AGBL1: variants seen among roughly 807,000 people sequenced by gnomAD.
The protein encoded by AGBL1 is cytosolic carboxypeptidase 4.
AGBL1 carries 130 observed loss-of-function variants against 118.9 expected under a neutral mutation model. The ratio of observed to expected loss-of-function variants is 1.09; its 90% CI spans 0.95 to 1.26. The LOEUF is 1.26. AGBL1 is among the 50% of genes most tolerant of loss of function. The probability of loss-of-function intolerance (pLI) is 0.00; values close to 1 mark genes in which losing one functional copy is unlikely to be tolerated. For missense variants in AGBL1, 1,584 were observed against 1,298.1 expected, an observed-to-expected ratio of 1.22 and a Z score of -3.38; for synonymous variants, 555 against 478.9, an observed-to-expected ratio of 1.16 and a Z score of -2.08.
At chr15:86,529,638 C>T (rs2083320886) in intron 19 of AGBL1, among the ~76,000 whole-genome samples, 1 of 134,496 alleles carries the variant, frequency 7.4e-6, no homozygotes, top group South Asian at 2.3e-4. Context: ...AGAAGAGCAA[C>T]TCCAAGACAC....
intron 21 of AGBL1, among the ~76,000 whole-genome samples, chr15:86,586,929 G>A (rs1391563339): frequency 1.3e-5 from 2 of 152,038 alleles, no homozygotes; most frequent in African/African-American, 4.8e-5. Flanking sequence ...AATATACTGG[G>A]TCAAAAAAGA....
At chr15:86,522,217 G>A (rs2083198323) in intron 18 of AGBL1, among the ~76,000 whole-genome samples, 1 of 152,144 alleles carries the variant, frequency 6.6e-6, no homozygotes, top group Admixed American at 6.6e-5. Context: ...AGTTGAAAAA[G>A]GCACTCTGAT....
At chr15:86,212,473 G>C (rs866861599) in intron 5 of AGBL1, among the ~76,000 whole-genome samples, 2 of 152,148 alleles carry the variant, frequency 1.3e-5, no homozygotes, top group Non-Finnish European at 2.9e-5. Flanking sequence ...AGGGGAAAAG[G>C]CTTTCTAAAG....
At chr15:86,344,820 C>T (rs1027504750) in intron 17 of AGBL1, among the ~76,000 whole-genome samples, 2 of 151,766 alleles carry the variant, frequency 1.3e-5, no homozygotes, top group East Asian at 3.9e-4. Flanking sequence ...TTTCTGGAGC[C>T]CCAGAACCCA....
In AGBL1 at chr15:86,613,049, T is replaced by C. The variant is rs2084678583; in HGVS notation, c.2994+58512T>C. Among the ~76,000 whole-genome samples the C allele has an allele frequency of 6.6e-6, 1 of 152,220 alleles. No individual in the cohort carries two copies. Among genetic ancestry groups the C allele is most frequent in the South Asian group, 2.1e-4 (1 of 4,832 alleles). On this transcript the variant is annotated intron_variant, in intron 21 of 22. Transcript: ENST00000614907. This position sits in a 1 kb window ranked among gnomAD's most constrained non-coding sequence, Gnocchi z 4.2. ...TCTTTGTCTGTAACTTTTGTCTCCCTAAAATGTATAAAGCCAAGATGTAAC... is the reference window on the plus strand; with the variant it reads ...TCTTTGTCTGTAACTTTTGTCTCCCCAAAATGTATAAAGCCAAGATGTAAC...
intron 6 of AGBL1, 81 bp downstream of exon 6, chr15:86,225,032 TC>T (rs370237975): frequency 3.2e-5 from 42 of 1,326,850 alleles, no homozygotes; most frequent in South Asian, 1.4e-4. Context: ...CATGGCTGTT[TC>T]TTTTTTTTTT....
chr15:86,973,214 G>T (rs998212110), intron 23 of AGBL1, among the ~76,000 whole-genome samples: 1 of 151,930 alleles, frequency 6.6e-6, no homozygotes, highest in African/African-American at 2.4e-5. Flanking sequence ...ATTATTCCTT[G>T]TTTAAAACTC....
At chr15:86,878,993 G>A (rs1369962225) in intron 22 of AGBL1, among the ~76,000 whole-genome samples, 2 of 152,212 alleles carry the variant, frequency 1.3e-5, no homozygotes. Flanking sequence ...TGTGACAGGA[G>A]AACAAAGGAG....
intron 23 of AGBL1, among the ~76,000 whole-genome samples, chr15:86,964,031 C>CTCTGTGTGTG (rs1183866210): frequency 8.2e-5 from 12 of 146,206 alleles, no homozygotes; most frequent in East Asian, 4.1e-4. Flanking sequence ...CTCTCTCTCT[C>CTCTGTGTGTG]TGTGTGTGTG....
At chr15:86,882,153 C>T (rs1258397578) in intron 22 of AGBL1, among the ~76,000 whole-genome samples, 3 of 152,148 alleles carry the variant, frequency 2.0e-5, no homozygotes, top group Non-Finnish European at 4.4e-5. Flanking sequence ...GACACGGCTA[C>T]CTAGTTCTCG....
At chr15:86,797,889 A>T (rs916335502) in intron 22 of AGBL1, among the ~76,000 whole-genome samples, 2 of 152,128 alleles carry the variant, frequency 1.3e-5, no homozygotes, top group Admixed American at 6.5e-5. Flanking sequence ...CTTGGATATG[A>T]CCTTTTTGTC....
chr15:86,349,787 T>C (rs1003623868), intron 17 of AGBL1, among the ~76,000 whole-genome samples: 1 of 152,218 alleles, frequency 6.6e-6, no homozygotes, highest in Admixed American at 6.5e-5. Flanking sequence ...AAAGAAGTTC[T>C]GAAGTGAAAA....
chr15:86,296,223 A>AC (rs1196244547), intron 17 of AGBL1: 3 of 149,876 alleles, frequency 2.0e-5, no homozygotes, highest in African/African-American at 7.6e-5. Context: ...GGCAAAAAAA[A>AC]AAAAAACAAA....
At chr15:86,791,588 A>T (rs1359835546) in intron 22 of AGBL1, among the ~76,000 whole-genome samples, 1 of 152,014 alleles carries the variant, frequency 6.6e-6, no homozygotes. Context: ...CTTTTCTACA[A>T]GCTAATGTCA....
intron 6 of AGBL1, among the ~76,000 whole-genome samples, chr15:86,238,653 T>C (rs949410101): frequency 1.3e-5 from 2 of 152,170 alleles, no homozygotes; most frequent in African/African-American, 4.8e-5. Context: ...AACATCACCC[T>C]TGGTAAGAAG....
chr15:87,031,137 T>A (rs913826595), downstream of AGBL1, among the ~76,000 whole-genome samples: 15 of 152,026 alleles, frequency 9.9e-5, no homozygotes, highest in Admixed American at 9.9e-4. Flanking sequence ...CAACCTTCCC[T>A]TATCTTTTCA....
chr15:86,502,071 G>A (rs1055778608), intron 18 of AGBL1, among the ~76,000 whole-genome samples: 15 of 151,548 alleles, frequency 9.9e-5, no homozygotes, highest in African/African-American at 3.6e-4. Flanking sequence ...AAGTTCATGA[G>A]TACAGGATAT....
chr15:86,858,433 C>G (rs2079515428), intron 22 of AGBL1, among the ~76,000 whole-genome samples: 1 of 151,230 alleles, frequency 6.6e-6, no homozygotes, highest in Non-Finnish European at 1.5e-5. Flanking sequence ...TTTCTGACTT[C>G]AAGCAGTTCT....
chr15:86,655,619 T>C (rs1031947604), intron 21 of AGBL1, among the ~76,000 whole-genome samples: 3 of 152,186 alleles, frequency 2.0e-5, no homozygotes, highest in Non-Finnish European at 4.4e-5. Context: ...AATTCATATA[T>C]GTTGACAAAA....
Sources: gnomAD v4.1 joint callset for allele counts (sites outside exome capture counted in the v4.1 genomes callset) on GRCh38, gnomAD v4.1.1 for gene constraint, Gnocchi (gnomAD v3.1) non-coding constraint, MANE v1.5 for transcripts, NCBI Gene and HGNC (gene_info 2026-07-23, HGNC 2026-07-21) for gene names.